Variants in ZFP69B observed in about 807,000 individuals in gnomAD.
ZFP69B encodes ZFP69 zinc finger protein B.
Under a neutral mutation model 19.7 loss-of-function variants are expected in ZFP69B, and 20 were observed. The ratio of observed to expected loss-of-function variants is 1.02; its 90% confidence interval spans 0.71 to 1.48. The LOEUF (loss-of-function observed/expected upper bound fraction) is 1.48, where lower values mean the gene tolerates loss of function less well. Ranked by LOEUF, ZFP69B falls within the 40% of genes most tolerant of loss-of-function variation. The probability of loss-of-function intolerance (pLI) is 0.00; values close to 1 mark genes in which losing one functional copy is unlikely to be tolerated. For synonymous variants in ZFP69B, 220 were observed against 222.7 expected (o/e 0.99, Z 0.11); for missense variants, 583 against 632.6 (o/e 0.92, Z 0.84).
rs747220835 is a variant in ZFP69B, at chr1:40,463,074, GA to G, written c.1092del (p.Glu364AspfsTer15). The part of the protein sequence containing the change: ...VRIHTGEKPY[E>X]CRVCEKAFSQ... ...AATTCATACCGGGGAAAAGCCCTAT[GA>G]ATGTAGGGTATGTGAGAAAGCCTTC... is the stretch of plus-strand genomic sequence containing the variant. On this transcript the variant is annotated frameshift_variant, in exon 5 of 5. Transcript: ENST00000361584. LOFTEE classifies it low-confidence loss of function (END_TRUNC). 6.2e-7 allele frequency: 1 copy of G among 1,614,184 alleles called. No homozygotes were observed. Among genetic ancestry groups the G allele is most frequent in the South Asian group, 1.1e-5 (1 of 91,078 alleles).
In ZFP69B at chr1:40,462,920, T is replaced by A. The variant is rs927910998; in HGVS notation, c.936T>A (p.Cys312Ter). 1.2e-6 allele frequency: 2 copies of A among 1,614,200 alleles called. No individual in the cohort carries two copies. The highest frequency in any genetic ancestry group is 1.7e-6 in the Non-Finnish European group (2 of 1,180,038). ...AGAAACCTTTCAGATGTAAGGAATG[T>A]GGAAAAGCCTTTAGCCAAAGTTCAT... is the stretch of plus-strand genomic sequence containing the variant. ...TGEKPFRCKE[C>*]GKAFSQSSSL... The change falls in exon 5 of 5, where the codon TGT (cysteine) becomes TGA (stop). Residue 312 changes from cysteine to a stop codon, truncating the protein, a stop_gained. Transcript: ENST00000361584. LOFTEE classifies it low-confidence loss of function (END_TRUNC).
In ZFP69B at chr1:40,463,297, A is replaced by G. The variant is rs142239725; in HGVS notation, c.1313A>G (p.Gln438Arg). The G allele has an allele frequency of 4.5e-3, 7,299 of 1,614,156 alleles. 34 individuals carry two copies. The highest frequency in any genetic ancestry group is 5.1e-3 in the Non-Finnish European group (6,045 of 1,180,016). ...CATAGTACATACCTAACTCAACACC[A>G]GAGAACTCATACTGGAGAAAGACCA... is the stretch of plus-strand genomic sequence containing the variant. The part of the protein sequence containing the change: ...FSHSTYLTQH[Q>R]RTHTGERPYK... The change falls in exon 5 of 5, where the codon CAG becomes CGG. Residue 438 changes from glutamine to arginine, a missense_variant. Transcript: ENST00000361584.
Position 40,463,488 on chromosome 1 carries a change from C to T in ZFP69B, c.1504C>T (p.Pro502Ser). ...KHQRIHTGEK[P>S]YDCNECGKAF... Reference sequence around the variant, plus strand: ...TCAGAGAATTCATACTGGAGAAAAACCTTATGATTGTAATGAGTGTGGAAA... The same window carrying T: ...TCAGAGAATTCATACTGGAGAAAAATCTTATGATTGTAATGAGTGTGGAAA... The change falls in exon 5 of 5, where the codon CCT (proline) becomes TCT (serine). Residue 502 changes from proline (P) to serine (S), a missense_variant. By Grantham distance (74) the Pro-to-Ser change is moderately conservative (BLOSUM62 -1). Coordinates refer to ENST00000361584, the MANE Select transcript of ZFP69B (RefSeq NM_023070.3). 6.2e-7 allele frequency: 1 copy of T among 1,614,076 alleles called. No individual in the cohort carries two copies.
At chr1:40,452,170 C>A (rs938244781) in intron 1 of ZFP69B, among the ~76,000 whole-genome samples, 7 of 151,902 alleles carry the variant, frequency 4.6e-5, no homozygotes, top group Admixed American at 2.0e-4. Context: ...ATGATAGAAT[C>A]TTTTACCGTA....
Position 40,463,390 on chromosome 1 carries a change from A to G in ZFP69B, c.1406A>G (p.His469Arg). 6.2e-7 allele frequency: 1 copy of G among 1,614,102 alleles called. No homozygotes were observed. Among genetic ancestry groups the G allele is most frequent in the Non-Finnish European group, 8.5e-7 (1 of 1,179,956 alleles). ...CATCTTTCTATCCATCAGAGAGTCCATACTGGAGTAAAACCTTATGAATGC... is the reference window on the plus strand; with the variant it reads ...CATCTTTCTATCCATCAGAGAGTCCGTACTGGAGTAAAACCTTATGAATGC... ...RIHLSIHQRV[H>R]TGVKPYECSH... Residue 469 changes from histidine (H) to arginine (R), a missense_variant, in exon 5 of 5, where the codon CAT becomes CGT. Physicochemically the swap from His to Arg is conservative, Grantham distance 29 (BLOSUM62 0). Transcript: ENST00000361584.
At chr1:40,456,847 G>C in intron 2 of ZFP69B, 98 bp from the exon 3 acceptor site, 1 of 1,457,728 alleles carries the variant, frequency 6.9e-7, no homozygotes, top group African/African-American at 1.4e-5. Flanking sequence ...TAGCAAGACA[G>C]TATCCAGGAA....
intron 2 of ZFP69B, 109 bp from the exon 3 acceptor site, chr1:40,456,835 AT>A: frequency 7.2e-7 from 1 of 1,391,496 alleles, no homozygotes; most frequent in Non-Finnish European, 9.9e-7. Flanking sequence ...AAATTAAATG[AT>A]TAGCAAGACA....
At chr1:40,460,826 C>T (rs1417817858) in intron 4 of ZFP69B, among the ~76,000 whole-genome samples, 1 of 151,846 alleles carries the variant, frequency 6.6e-6, no homozygotes. Context: ...ACTAAAAATA[C>T]AAAAAGTAGC....
chr1:40,463,477 C>A lies in ZFP69B; in HGVS notation c.1493C>A (p.Thr498Asn). The change falls in exon 5 of 5, where the codon ACT (threonine) becomes AAT (asparagine). Residue 498 changes from threonine (T) to asparagine (N), a missense_variant. Coordinates refer to ENST00000361584, the MANE Select transcript of ZFP69B (RefSeq NM_023070.3). ...TTTGCTAAACATCAGAGAATTCATA[C>A]TGGAGAAAAACCTTATGATTGTAAT... ...SSFAKHQRIH[T>N]GEKPYDCNEC... 1 of 1,614,118 alleles carries A rather than the reference C, an allele frequency of 6.2e-7. No homozygotes were observed. The highest frequency in any genetic ancestry group is 8.5e-7 in the Non-Finnish European group (1 of 1,179,996).
rs1324025665 is a variant in ZFP69B at position 40,450,648 on chromosome 1, C to T, written c.-314C>T. 5.3e-6 allele frequency: 1 copy of T among 189,884 alleles called. No individual in the cohort carries two copies. The highest frequency in any genetic ancestry group is 2.3e-5 in the African/African-American group (1 of 42,622). 11.8% of individuals were successfully genotyped at this position (189,884 alleles called of 1,614,324 possible). On this transcript the variant is annotated 5_prime_UTR_variant, in exon 1 of 5. Transcript: ENST00000361584. ...AGTCCTTTGCTGATTCTAATGTCTT[C>T]TGCTCAGCATCTGCAGGGGCTGCTG... is the stretch of plus-strand genomic sequence containing the variant.
At chr1:40,450,283 T>G (rs1000707415), upstream of ZFP69B, 1 of 152,258 alleles carries the variant, frequency 6.6e-6, no homozygotes, top group African/African-American at 2.4e-5. Context: ...CCCGGAGTCG[T>G]GCTCAGACAA....
Position 40,459,104 on chromosome 1 carries a change from T to C in ZFP69B, c.436+1665T>C, listed in dbSNP as rs1645259694. ...TCAAGGGAGATTGGGAAATATCATC[T>C]ATTCGTATGTCCAAAATCGGGGTGA... is the stretch of plus-strand genomic sequence containing the variant. On this transcript the variant is annotated intron_variant, in intron 4 of 4. Coordinates refer to ENST00000361584, the MANE Select transcript of ZFP69B (RefSeq NM_023070.3). Among the ~76,000 whole-genome samples, 2 of 152,214 alleles carry C rather than the reference T, an allele frequency of 1.3e-5. 1 individual carries two copies. The highest frequency in any genetic ancestry group is 4.1e-4 in the South Asian group (2 of 4,830).
intron 2 of ZFP69B, among the ~76,000 whole-genome samples, chr1:40,455,617 T>A (rs894594578): frequency 6.6e-6 from 1 of 152,196 alleles, no homozygotes; most frequent in African/African-American, 2.4e-5. Context: ...TTTGTTTGTT[T>A]TTAATTATAC....
At chr1:40,455,207 T>G (rs1411720517) in intron 2 of ZFP69B, among the ~76,000 whole-genome samples, 1 of 152,154 alleles carries the variant, frequency 6.6e-6, no homozygotes, top group Non-Finnish European at 1.5e-5. Flanking sequence ...AATGAAGTAG[T>G]CAGAAAACTG....
In ZFP69B at chr1:40,450,788, C is replaced by G; in HGVS notation, c.-174C>G. The G allele has an allele frequency of 5.1e-6, 3 of 589,784 alleles. No homozygotes were observed. The highest frequency in any genetic ancestry group is 7.5e-6 in the Non-Finnish European group (3 of 399,676). 36.5% of individuals were successfully genotyped at this position (589,784 alleles called of 1,614,324 possible). A position where few individuals can be genotyped will look rare whatever the true frequency, so the allele number is the denominator to read the frequency against. ...CAAGTCCAGATCTCGGATTTTGATACTGTATGTTCCCTGGGTTCCTGAGAG... is the reference window on the plus strand; with the variant it reads ...CAAGTCCAGATCTCGGATTTTGATAGTGTATGTTCCCTGGGTTCCTGAGAG... On this transcript the variant is annotated 5_prime_UTR_variant, in exon 1 of 5. Transcript: ENST00000361584.
chr1:40,452,888 G>A (rs546329386), intron 1 of ZFP69B, among the ~76,000 whole-genome samples: 1 of 151,646 alleles, frequency 6.6e-6, no homozygotes, highest in East Asian at 1.9e-4. Context: ...GTTGAATCTA[G>A]ATGTGGATGT....
chr1:40,451,656 G>A (rs997824907), intron 1 of ZFP69B, among the ~76,000 whole-genome samples: 3 of 145,528 alleles, frequency 2.1e-5, no homozygotes, highest in African/African-American at 7.7e-5. Flanking sequence ...AAAGACGTGG[G>A]GGGGGGGGAA....
intron 4 of ZFP69B, among the ~76,000 whole-genome samples, chr1:40,462,139 C>T (rs1380931973): frequency 2.0e-5 from 3 of 151,930 alleles, no homozygotes; most frequent in South Asian, 2.1e-4. Context: ...AGGCTGGTCT[C>T]GAACTCCTGG....
At chr1:40,461,531 A>G (rs2124423525) in intron 4 of ZFP69B, among the ~76,000 whole-genome samples, 1 of 152,224 alleles carries the variant, frequency 6.6e-6, no homozygotes, top group Middle Eastern at 3.4e-3. Flanking sequence ...ATGGTGGCTT[A>G]CACCTGTAAT....
Sources: allele counts gnomAD v4.1 joint callset (sites outside exome capture counted in the v4.1 genomes callset), GRCh38; gene constraint gnomAD v4.1.1; transcripts MANE v1.5; gene names NCBI Gene and HGNC (gene_info 2026-07-23, HGNC 2026-07-21).